Variants in PTPRR observed in about 807,000 individuals in gnomAD.
PTPRR encodes the protein receptor-type tyrosine-protein phosphatase R.
In PTPRR, 38 loss-of-function variants were observed where a neutral mutation model predicts 77.2. That is an observed-to-expected ratio of 0.49 (90% confidence interval 0.38 to 0.65). PTPRR has a LOEUF of 0.65. Among genes scored for constraint, PTPRR ranks in the 30% least tolerant of loss-of-function variants. PTPRR has a pLI of 0.00. For synonymous variants in PTPRR, 299 were observed against 283.1 expected, an observed-to-expected ratio of 1.06 and a Z score of -0.57; for missense variants, 744 against 799.2, an observed-to-expected ratio of 0.93 and a Z score of 0.83.
intron 13 of PTPRR, among the ~76,000 whole-genome samples, chr12:70,644,537 C>T (rs1226258408): frequency 1.3e-5 from 2 of 152,170 alleles, no homozygotes; most frequent in African/African-American, 4.8e-5. Flanking sequence ...TTTTCATCTG[C>T]AAATGATGCG....
intron 2 of PTPRR, among the ~76,000 whole-genome samples, chr12:70,877,239 TAA>T (rs778565273): frequency 6.6e-6 from 1 of 152,124 alleles, no homozygotes; most frequent in Non-Finnish European, 1.5e-5. Flanking sequence ...GCCATTTACT[TAA>T]ACTGAAGTGT....
intron 3 of PTPRR, among the ~76,000 whole-genome samples, chr12:70,763,746 G>T (rs1222255727): frequency 6.6e-6 from 1 of 152,146 alleles, no homozygotes; most frequent in Non-Finnish European, 1.5e-5. Flanking sequence ...GACATTAAGA[G>T]CAATTTAAAA....
chr12:70,909,807 C>A (rs1396144521), intron 1 of PTPRR, among the ~76,000 whole-genome samples: 1 of 152,154 alleles, frequency 6.6e-6, no homozygotes, highest in African/African-American at 2.4e-5. Flanking sequence ...CTACCCAATC[C>A]CTGAGACTGA....
At chr12:70,650,269 C>A (rs2136652576) in intron 13 of PTPRR, among the ~76,000 whole-genome samples, 1 of 152,038 alleles carries the variant, frequency 6.6e-6, no homozygotes, top group Non-Finnish European at 1.5e-5. Context: ...ATGGTGAAAT[C>A]CTGCCTCTAC....
chr12:70,788,712 C>T, intron 2 of PTPRR: 1 of 828,462 alleles, frequency 1.2e-6, no homozygotes, highest in Non-Finnish European at 2.0e-6. Flanking sequence ...ACTCATTTTT[C>T]TACATTTACA....
intron 2 of PTPRR, among the ~76,000 whole-genome samples, chr12:70,872,766 T>C (rs1026260783): frequency 7.1e-6 from 1 of 141,166 alleles, no homozygotes; most frequent in Non-Finnish European, 1.5e-5. Context: ...CAAGGGTAAA[T>C]GTGTGACAAT....
At chr12:70,652,706 G>A (rs1045967855) in intron 13 of PTPRR, among the ~76,000 whole-genome samples, 3 of 152,196 alleles carry the variant, frequency 2.0e-5, no homozygotes, top group African/African-American at 7.2e-5. Flanking sequence ...GTGACGGAAG[G>A]CCAAGGCTAA....
chr12:70,739,462 T>C (rs541104756), intron 6 of PTPRR, among the ~76,000 whole-genome samples: 145 of 152,314 alleles, frequency 9.5e-4, no homozygotes, highest in Non-Finnish European at 1.7e-3. Flanking sequence ...TTGGTTCTTA[T>C]GGAAGATTCT....
In PTPRR at chr12:70,764,680, G is replaced by C. The variant is rs868697112; in HGVS notation, c.456C>G (p.His152Gln). 1 of 1,612,764 alleles carries C rather than the reference G, an allele frequency of 6.2e-7. No homozygotes were observed. The highest frequency in any genetic ancestry group is 1.7e-5 in the Admixed American group (1 of 60,030). Residue 152 changes from histidine to glutamine, a missense_variant, in exon 3 of 14, where the codon CAC (histidine) becomes CAG (glutamine). Transcript: ENST00000283228. Reference protein sequence around the residue: ...AALGLLPQQVHINRLIGKKNS... With the variant: ...AALGLLPQQVQINRLIGKKNS... Reference sequence around the variant, plus strand: ...GGTATCTTACAATGAGGCGATTGATGTGCACTTGCTGGGGTAAGAGTCCTA... The same window carrying C: ...GGTATCTTACAATGAGGCGATTGATCTGCACTTGCTGGGGTAAGAGTCCTA...
intron 13 of PTPRR, among the ~76,000 whole-genome samples, chr12:70,650,764 A>G (rs957719848): frequency 3.3e-5 from 5 of 152,226 alleles, no homozygotes; most frequent in Non-Finnish European, 5.9e-5. Context: ...CACAGGATGC[A>G]GGCCCATCTA....
intron 8 of PTPRR, among the ~76,000 whole-genome samples, chr12:70,688,389 T>C (rs1387394642): frequency 6.6e-6 from 1 of 152,106 alleles, no homozygotes; most frequent in Non-Finnish European, 1.5e-5. Context: ...GGGATAAAGA[T>C]TTGAATAGAC....
intron 6 of PTPRR, among the ~76,000 whole-genome samples, chr12:70,716,039 G>A (rs1415596192): frequency 6.6e-6 from 1 of 152,124 alleles, no homozygotes; most frequent in Non-Finnish European, 1.5e-5. Context: ...TAATTTGGGG[G>A]ACTAATAAAT....
chr12:70,866,997 T>C (rs929249796), intron 2 of PTPRR, among the ~76,000 whole-genome samples: 2 of 151,682 alleles, frequency 1.3e-5, no homozygotes, highest in Admixed American at 6.6e-5. Flanking sequence ...CAACCCTTCA[T>C]GCTAAAAACT....
chr12:70,797,668 T>G (rs1475872376), intron 2 of PTPRR, among the ~76,000 whole-genome samples: 1 of 152,188 alleles, frequency 6.6e-6, no homozygotes, highest in East Asian at 1.9e-4. Flanking sequence ...AGACACTGTG[T>G]GTCCTTATCT....
chr12:70,894,291 T>C (rs1893388205), intron 1 of PTPRR, among the ~76,000 whole-genome samples: 1 of 151,942 alleles, frequency 6.6e-6, no homozygotes, highest in East Asian at 1.9e-4. Context: ...CCAAATTCAA[T>C]AGAATTATCA....
intron 5 of PTPRR, among the ~76,000 whole-genome samples, chr12:70,751,675 T>G (rs1259795632): frequency 6.7e-6 from 1 of 150,112 alleles, no homozygotes; most frequent in Non-Finnish European, 1.5e-5. Flanking sequence ...CAACATTTGA[T>G]TTTTTAAATT....
chr12:70,673,536 A>G (rs965983209), intron 10 of PTPRR, among the ~76,000 whole-genome samples: 5 of 152,222 alleles, frequency 3.3e-5, no homozygotes, highest in African/African-American at 1.2e-4. Context: ...TTTCTGGGGA[A>G]AATATTATTT....
intron 13 of PTPRR, among the ~76,000 whole-genome samples, chr12:70,655,996 G>A (rs552503628): frequency 1.3e-5 from 2 of 151,966 alleles, no homozygotes; most frequent in East Asian, 1.9e-4. Flanking sequence ...AGGATCCCTC[G>A]AGCCCAGGCA....
At chr12:70,792,779 CAAAT>C (rs2137011319) in intron 2 of PTPRR, among the ~76,000 whole-genome samples, 1 of 152,144 alleles carries the variant, frequency 6.6e-6, no homozygotes, top group African/African-American at 2.4e-5. Flanking sequence ...AAAGTAAACT[CAAAT>C]GAACTTGTTG....
Sources: allele counts gnomAD v4.1 joint callset (sites outside exome capture counted in the v4.1 genomes callset), GRCh38; gene constraint gnomAD v4.1.1; transcripts MANE v1.5; gene names NCBI Gene and HGNC (gene_info 2026-07-23, HGNC 2026-07-21).